PRM1: variants seen among roughly 807,000 people sequenced by gnomAD.
PRM1 encodes the protein sperm protamine P1.
In PRM1, 4 loss-of-function variants were observed where a neutral mutation model predicts 4.8. The observed-to-expected ratio is 0.83, with a 90% confidence interval of 0.41 to 1.91. The LOEUF (loss-of-function observed/expected upper bound fraction) is 1.91, where lower values mean the gene tolerates loss of function less well. PRM1 is among the 40% of genes most tolerant of loss of function. The probability of loss-of-function intolerance (pLI) is 0.03; values close to 1 mark genes in which losing one functional copy is unlikely to be tolerated. For synonymous variants in PRM1, 29 were observed against 22.7 expected, an observed-to-expected ratio of 1.28 and a Z score of -0.79; for missense variants, 88 against 75.7, an observed-to-expected ratio of 1.16 and a Z score of -0.61.
In PRM1 at chr16:11,280,932, G is replaced by A; in HGVS notation, c.*60C>T. ...TGGCATTTTCAAGATGTGGCAAGAG[G>A]ATCTTGAAGTCTGGTAACATTCTCA... is the stretch of plus-strand genomic sequence containing the variant. On this transcript the variant is annotated 3_prime_UTR_variant, in exon 2 of 2. Coordinates refer to ENST00000312511, the MANE Select transcript of PRM1 (RefSeq NM_002761.3). The A allele has an allele frequency of 2.6e-6, 4 of 1,536,052 alleles. No homozygotes were observed. The East Asian group carries it at 6.7e-5, about 26-fold the overall frequency.
chr16:11,281,246 G>A lies in PRM1; in HGVS notation c.-8C>T, dbSNP rs762588708. On this transcript the variant is annotated 5_prime_UTR_variant, in exon 1 of 2. Transcript: ENST00000312511. Reference sequence around the variant, plus strand: ...GCATCTGTACCTGGCCATGGTGCAGGATGGGCTTGGCCTGAATGCTCAGAG... The same window carrying A: ...GCATCTGTACCTGGCCATGGTGCAGAATGGGCTTGGCCTGAATGCTCAGAG... 16 of 1,611,876 alleles carry A rather than the reference G, an allele frequency of 9.9e-6. No homozygotes were observed. The highest frequency in any genetic ancestry group is 1.2e-5 in the Non-Finnish European group (14 of 1,178,400).
Position 11,281,316 on chromosome 16 carries a change from A to AACTCTGTG in PRM1, c.-86_-79dup. The AACTCTGTG allele has an allele frequency of 7.9e-7, 1 of 1,265,810 alleles. No homozygotes were observed. The highest frequency in any genetic ancestry group is 1.2e-6 in the Non-Finnish European group (1 of 869,122). 78.4% of individuals were successfully genotyped at this position (1,265,810 alleles called of 1,614,324 possible). A position where few individuals can be genotyped will look rare whatever the true frequency, so the allele number is the denominator to read the frequency against. ...AGCCAGCCAACCTGTGAGCAGGTGG[A>AACTCTGTG]ACTCTGTGGGCTGTGAGTCAGGGGC... On this transcript the variant is annotated 5_prime_UTR_variant, in exon 1 of 2. Transcript: ENST00000312511.
rs1192458278 is a variant in PRM1, at chr16:11,280,842, G to C, written c.*150C>G. ...AAGAACAAGGAGAGAAGAGTGGGATGACTTTTCAACATTTATTGACAGGCG... is the reference window on the plus strand; with the variant it reads ...AAGAACAAGGAGAGAAGAGTGGGATCACTTTTCAACATTTATTGACAGGCG... On this transcript the variant is annotated 3_prime_UTR_variant, in exon 2 of 2. Transcript: ENST00000312511. 1 of 975,462 alleles carries C rather than the reference G, an allele frequency of 1.0e-6. No homozygotes were observed. Among genetic ancestry groups the C allele is most frequent in the African/African-American group, 1.6e-5 (1 of 62,746 alleles). 60.4% of individuals were successfully genotyped at this position (975,462 alleles called of 1,614,324 possible).
chr16:11,281,287 G>A lies in PRM1; in HGVS notation c.-49C>T. ...ATGCTCAGAGCAGGGCACCACCTTG[G>A]CTGAGCCAGCCAACCTGTGAGCAGG... On this transcript the variant is annotated 5_prime_UTR_variant, in exon 1 of 2. Coordinates refer to ENST00000312511, the MANE Select transcript of PRM1 (RefSeq NM_002761.3). 1 of 1,535,292 alleles carries A rather than the reference G, an allele frequency of 6.5e-7. No individual in the cohort carries two copies. The highest frequency in any genetic ancestry group is 9.0e-7 in the Non-Finnish European group (1 of 1,110,684).
In PRM1 at chr16:11,280,861, ACAGGCGGCATTGTTCCTTAG is replaced by A. The variant is rs2141151492; in HGVS notation, c.*111_*130del. ...TGGGATGACTTTTCAACATTTATTG[ACAGGCGGCATTGTTCCTTAG>A]CAGGCTCCTGATTTTTATTGGATGG... On this transcript the variant is annotated 3_prime_UTR_variant, in exon 2 of 2. Coordinates refer to ENST00000312511, the MANE Select transcript of PRM1 (RefSeq NM_002761.3). The A allele has an allele frequency of 5.6e-6, 6 of 1,072,660 alleles. No homozygotes were observed. In the South Asian group the frequency reaches 7.5e-5, roughly 13 times the overall value. The allele number at this position is 1,072,660 out of a possible 1,614,324, so 66.4% of individuals were successfully genotyped here.
chr16:11,280,844 C>G lies in PRM1; in HGVS notation c.*148G>C. 2 of 1,012,190 alleles carry G rather than the reference C, an allele frequency of 2.0e-6. No individual in the cohort carries two copies. Among genetic ancestry groups the G allele is most frequent in the East Asian group, 2.4e-5 (1 of 42,074 alleles). 62.7% of individuals were successfully genotyped at this position (1,012,190 alleles called of 1,614,324 possible). On this transcript the variant is annotated 3_prime_UTR_variant, in exon 2 of 2. Transcript: ENST00000312511. ...GAACAAGGAGAGAAGAGTGGGATGA[C>G]TTTTCAACATTTATTGACAGGCGGC...
In PRM1 at chr16:11,281,108, C is replaced by G. The variant is rs1228237779; in HGVS notation, c.112+19G>C. 1 of 1,613,312 alleles carries G rather than the reference C, an allele frequency of 6.2e-7. No homozygotes were observed. The highest frequency in any genetic ancestry group is 1.3e-5 in the African/African-American group (1 of 75,054). On this transcript the variant is annotated intron_variant, in intron 1 of 1. Coordinates refer to ENST00000312511, the MANE Select transcript of PRM1 (RefSeq NM_002761.3). ...CTCCCAGCCTCAGCCCCAGCCCACC[C>G]TCAGCTGGGCCCACTTACTCATGGC...
rs777305066 is a variant in PRM1 at position 11,281,173 on chromosome 16, A to G, written c.66T>C (p.Ser22=). Residue 22 remains serine (S), a synonymous_variant, in exon 1 of 2, where the codon AGT becomes AGC. Transcript: ENST00000312511. ...RSRYYRQRQR[S]RRRRRRSCQT... is the part of the protein sequence containing the mutation. The stretch of plus-strand genomic sequence containing the variant: ...GGCAGCTCCGCCTCCTTCGTCTGCG[A>G]CTTCTTTGTCTCTGGCGGTAATATC... The G allele has an allele frequency of 6.2e-7, 1 of 1,614,048 alleles. No individual in the cohort carries two copies. Among genetic ancestry groups the G allele is most frequent in the African/African-American group, 1.3e-5 (1 of 74,992 alleles).
chr16:11,280,857 A>T lies in PRM1; in HGVS notation c.*135T>A, dbSNP rs2069941072. The stretch of plus-strand genomic sequence containing the variant: ...AGAGTGGGATGACTTTTCAACATTT[A>T]TTGACAGGCGGCATTGTTCCTTAGC... On this transcript the variant is annotated 3_prime_UTR_variant, in exon 2 of 2. Transcript: ENST00000312511. 1 of 1,063,742 alleles carries T rather than the reference A, an allele frequency of 9.4e-7. No individual in the cohort carries two copies. Among genetic ancestry groups the T allele is most frequent in the Non-Finnish European group, 1.5e-6 (1 of 679,324 alleles). The allele number at this position is 1,063,742 out of a possible 1,614,324, so 65.9% of individuals were successfully genotyped here.
chr16:11,280,938 G>GC lies in PRM1; in HGVS notation c.*53_*54insG, dbSNP rs2069941970. ...TTTCAAGATGTGGCAAGAGGATCTT[G>GC]AAGTCTGGTAACATTCTCAGGCAGG... is the stretch of plus-strand genomic sequence containing the variant. On this transcript the variant is annotated 3_prime_UTR_variant, in exon 2 of 2. Coordinates refer to ENST00000312511, the MANE Select transcript of PRM1 (RefSeq NM_002761.3). 6.4e-7 allele frequency: 1 copy of GC among 1,565,482 alleles called. No homozygotes were observed. The highest frequency in any genetic ancestry group is 8.8e-7 in the Non-Finnish European group (1 of 1,135,572).
In PRM1 at chr16:11,281,317, A is replaced by T; in HGVS notation, c.-79T>A. The T allele has an allele frequency of 7.9e-7, 1 of 1,261,484 alleles. No homozygotes were observed. Among genetic ancestry groups the T allele is most frequent in the Non-Finnish European group, 1.2e-6 (1 of 865,400 alleles). 78.1% of individuals were successfully genotyped at this position (1,261,484 alleles called of 1,614,324 possible). A position where few individuals can be genotyped will look rare whatever the true frequency, so the allele number is the denominator to read the frequency against. On this transcript the variant is annotated 5_prime_UTR_variant, in exon 1 of 2. Transcript: ENST00000312511. ...GCCAGCCAACCTGTGAGCAGGTGGA[A>T]CTCTGTGGGCTGTGAGTCAGGGGCC...
Position 11,281,326 on chromosome 16 carries a change from G to C in PRM1, c.-88C>G. The C allele has an allele frequency of 2.5e-6, 3 of 1,178,896 alleles. No homozygotes were observed. The highest frequency in any genetic ancestry group is 3.8e-6 in the Non-Finnish European group (3 of 792,058). 73.0% of individuals were successfully genotyped at this position (1,178,896 alleles called of 1,614,324 possible). On this transcript the variant is annotated 5_prime_UTR_variant, in exon 1 of 2. Transcript: ENST00000312511. ...CCTGTGAGCAGGTGGAACTCTGTGG[G>C]CTGTGAGTCAGGGGCCAGCTCTGCG...
Position 11,281,230 on chromosome 16 carries a change from C to T in PRM1, c.9G>A (p.Arg3=), listed in dbSNP as rs778454998. ...GGCTCTGGCTGCGACAGCATCTGTACCTGGCCATGGTGCAGGATGGGCTTG... is the reference window on the plus strand; with the variant it reads ...GGCTCTGGCTGCGACAGCATCTGTATCTGGCCATGGTGCAGGATGGGCTTG... MA[R]YRCCRSQSRS... Residue 3 remains arginine, a synonymous_variant, in exon 1 of 2, where the codon AGG becomes AGA. Transcript: ENST00000312511. The T allele has an allele frequency of 1.9e-6, 3 of 1,613,926 alleles. No homozygotes were observed. Among genetic ancestry groups the T allele is most frequent in the Non-Finnish European group, 2.5e-6 (3 of 1,180,030 alleles).
chr16:11,281,036 C>T lies in PRM1; in HGVS notation c.113-1G>A, dbSNP rs112483041. On this transcript the variant is annotated splice_acceptor_variant, in intron 1 of 1. Transcript: ENST00000312511. LOFTEE classifies it high-confidence loss of function. ...GGTCTGTACCTGGGGCGGCAGCACC[C>T]TGGTGAGACCAAGAAAAGTGGTGAG... 6.2e-7 allele frequency: 1 copy of T among 1,614,014 alleles called. No homozygotes were observed. Among genetic ancestry groups the T allele is most frequent in the Non-Finnish European group, 8.5e-7 (1 of 1,179,990 alleles).
chr16:11,281,190 G>A lies in PRM1; in HGVS notation c.49C>T (p.Arg17Cys), dbSNP rs140477029. Residue 17 changes from arginine (R) to cysteine (C), a missense_variant, in exon 1 of 2, where the codon CGC becomes TGC. By Grantham distance (180) the Arg-to-Cys change is radical. Transcript: ENST00000312511. ...CRSQSRSRYYRQRQRSRRRRR... is the reference protein window; with the variant it reads ...CRSQSRSRYYCQRQRSRRRRR... Reference sequence around the variant, plus strand: ...CGTCTGCGACTTCTTTGTCTCTGGCGGTAATATCTGCTCCGGCTCTGGCTG... The same window carrying A: ...CGTCTGCGACTTCTTTGTCTCTGGCAGTAATATCTGCTCCGGCTCTGGCTG... 533 of 1,614,154 alleles carry A rather than the reference G, an allele frequency of 3.3e-4. 1 individual carries two copies. The African/African-American group carries it at 5.6e-3, about 17-fold the overall frequency.
At chr16:11,281,078 G>A in intron 1 of PRM1, 43 bp from the exon 2 acceptor site, 1 of 1,613,572 alleles carries the variant, frequency 6.2e-7, no homozygotes, top group Non-Finnish European at 8.5e-7. Context: ...GCTGGGCCCT[G>A]AGAGCTCCCA....
chr16:11,281,310 A>C lies in PRM1; in HGVS notation c.-72T>G, dbSNP rs1021162494. 8 of 1,331,132 alleles carry C rather than the reference A, an allele frequency of 6.0e-6. No individual in the cohort carries two copies. In the African/African-American group the frequency reaches 1.0e-4, roughly 17 times the overall value. The allele number at this position is 1,331,132 out of a possible 1,614,324, so 82.5% of individuals were successfully genotyped here. A position where few individuals can be genotyped will look rare whatever the true frequency, so the allele number is the denominator to read the frequency against. Reference sequence around the variant, plus strand: ...TGGCTGAGCCAGCCAACCTGTGAGCAGGTGGAACTCTGTGGGCTGTGAGTC... The same window carrying C: ...TGGCTGAGCCAGCCAACCTGTGAGCCGGTGGAACTCTGTGGGCTGTGAGTC... On this transcript the variant is annotated 5_prime_UTR_variant, in exon 1 of 2. Transcript: ENST00000312511.
At position 11,281,008 on chromosome 16, in the gene PRM1, C is replaced by T. The variant is rs1272673711; in HGVS notation, c.140G>A (p.Arg47Gln). ...MRCCRPRYRP[R>Q]CRRH is the part of the protein sequence containing the mutation. Reference sequence around the variant, plus strand: ...TTTGTGCAATTAGTGTCTTCTACATCGCGGTCTGTACCTGGGGCGGCAGCA... The same window carrying T: ...TTTGTGCAATTAGTGTCTTCTACATTGCGGTCTGTACCTGGGGCGGCAGCA... Residue 47 changes from arginine to glutamine, a missense_variant, in exon 2 of 2, where the codon CGA becomes CAA. Transcript: ENST00000312511. The T allele has an allele frequency of 2.5e-6, 4 of 1,613,942 alleles. No individual in the cohort carries two copies. The highest frequency in any genetic ancestry group is 1.3e-5 in the African/African-American group (1 of 75,042).
rs199599237 is a variant in PRM1 at position 11,281,216 on chromosome 16, C to T, written c.23G>A (p.Arg8His). 817 of 1,614,094 alleles carry T rather than the reference C, an allele frequency of 5.1e-4. 5 individuals carry two copies. Among genetic ancestry groups the T allele is most frequent in the South Asian group, 2.0e-3 (181 of 91,088 alleles). The change falls in exon 1 of 2, where the codon CGC becomes CAC. Residue 8 changes from arginine (R) to histidine (H), a missense_variant. Arg to His is a conservative substitution (Grantham distance 29, BLOSUM62 0). Coordinates refer to ENST00000312511, the MANE Select transcript of PRM1 (RefSeq NM_002761.3). ...GTAATATCTGCTCCGGCTCTGGCTG[C>T]GACAGCATCTGTACCTGGCCATGGT... Reference protein sequence around the residue: MARYRCCRSQSRSRYYRQ... With the variant: MARYRCCHSQSRSRYYRQ...
Sources: allele counts gnomAD v4.1 joint callset, GRCh38; gene constraint gnomAD v4.1.1; transcripts MANE v1.5; gene names NCBI Gene and HGNC (gene_info 2026-07-23, HGNC 2026-07-21).